PAPPA2: variants seen among roughly 807,000 people sequenced by gnomAD.
PAPPA2 encodes pappalysin 2, also known as pappalysin-2.
A neutral mutation model predicts 176.4 loss-of-function variants in PAPPA2; 86 were observed. That is an observed-to-expected ratio of 0.49 (90% CI 0.41 to 0.58). The LOEUF (loss-of-function observed/expected upper bound fraction) is 0.58. Ranked by LOEUF, PAPPA2 falls within the 20% of genes least tolerant of loss-of-function variation. The pLI is 0.00. For missense variants in PAPPA2, 2,073 were observed against 2,256.9 expected, an observed-to-expected ratio of 0.92 and a Z score of 1.65; for synonymous variants, 809 against 852.2, an observed-to-expected ratio of 0.95 and a Z score of 0.88.
intron 1 of PAPPA2, among the ~76,000 whole-genome samples, chr1:176,479,417 C>T (rs9425799): frequency 0.023 from 3,489 of 152,176 alleles, 141 homozygotes; most frequent in African/African-American, 0.08. Flanking sequence ...CACAGCATCA[C>T]AGCAGTGAAG....
chr1:176,518,972 A>G (rs1014383442), intron 1 of PAPPA2, among the ~76,000 whole-genome samples: 2 of 152,256 alleles, frequency 1.3e-5, no homozygotes, highest in Non-Finnish European at 2.9e-5. Context: ...AGTGGAGACC[A>G]GGCAGACTTA....
chr1:176,647,625 T>G (rs555894866), intron 3 of PAPPA2, among the ~76,000 whole-genome samples: 165 of 151,892 alleles, frequency 1.1e-3, no homozygotes, highest in African/African-American at 3.9e-3. Context: ...TCTATTCTTC[T>G]GCATATGGTT....
At chr1:176,786,579 A>G (rs1370625885) in intron 17 of PAPPA2, among the ~76,000 whole-genome samples, 1 of 152,194 alleles carries the variant, frequency 6.6e-6, no homozygotes, top group Admixed American at 6.5e-5. Flanking sequence ...CCACTTATGG[A>G]TGTGGCATTG....
intron 9 of PAPPA2, 67 bp downstream of exon 9, chr1:176,702,802 A>AAT: frequency 6.8e-7 from 1 of 1,470,242 alleles, no homozygotes; most frequent in Non-Finnish European, 9.3e-7. Flanking sequence ...AGAGAGAGAG[A>AAT]GGGAGGGAGA....
chr1:176,614,767 C>CCA (rs1436843496), intron 3 of PAPPA2, among the ~76,000 whole-genome samples: 1 of 152,098 alleles, frequency 6.6e-6, no homozygotes, highest in East Asian at 1.9e-4. Flanking sequence ...AGTACTATAA[C>CCA]CACACATCCC....
chr1:176,760,907 T>C (rs559328189), intron 14 of PAPPA2, among the ~76,000 whole-genome samples: 1 of 152,252 alleles, frequency 6.6e-6, no homozygotes, highest in South Asian at 2.1e-4. Flanking sequence ...CTGCAAGCTC[T>C]ACCTCCTGGG....
chr1:176,822,937 T>G (rs768036988), intron 21 of PAPPA2, among the ~76,000 whole-genome samples: 5 of 152,226 alleles, frequency 3.3e-5, no homozygotes, highest in Non-Finnish European at 1.5e-5. Flanking sequence ...CAAATTAAGG[T>G]AATAACCACC....
rs1038284552 is a variant in PAPPA2 at position 176,704,398 on chromosome 1, T to G, written c.3365+1663T>G. Reference sequence around the variant, plus strand: ...AGAAGAATCCATACCAATCATTTGATCACTTGGATAACACTTGTCAATAGG... The same window carrying G: ...AGAAGAATCCATACCAATCATTTGAGCACTTGGATAACACTTGTCAATAGG... On this transcript the variant is annotated intron_variant, in intron 9 of 22. Coordinates refer to ENST00000367662, the MANE Select transcript of PAPPA2 (RefSeq NM_020318.3). Among the ~76,000 whole-genome samples, 4 of 152,286 alleles carry G rather than the reference T, an allele frequency of 2.6e-5. No homozygotes were observed. The South Asian group carries it at 8.3e-4, about 32-fold the overall frequency.
intron 1 of PAPPA2, among the ~76,000 whole-genome samples, chr1:176,532,557 C>A (rs930032386): frequency 6.6e-6 from 1 of 152,228 alleles, no homozygotes; most frequent in Non-Finnish European, 1.5e-5. Context: ...CCGTGGGTAA[C>A]AAATGTGTGC....
In PAPPA2 at chr1:176,594,576, G is replaced by A. The variant is rs1436668161; in HGVS notation, c.972G>A (p.Gly324=). 14 of 1,614,084 alleles carry A rather than the reference G, an allele frequency of 8.7e-6. No homozygotes were observed. Among genetic ancestry groups the A allele is most frequent in the Non-Finnish European group, 1.2e-5 (14 of 1,180,042 alleles). The change falls in exon 3 of 23, where the codon GGG becomes GGA. Residue 324 remains glycine (G), a synonymous_variant. Transcript: ENST00000367662. ...HTVSDKGWAL[G]IRSGKDKGKR... is the part of the protein sequence containing the mutation. ...TCAGTGACAAAGGCTGGGCCCTGGG[G>A]ATCCGCTCAGGGAAGGACAAGGGAA... is the stretch of plus-strand genomic sequence containing the variant.
intron 1 of PAPPA2, among the ~76,000 whole-genome samples, chr1:176,471,370 G>C (rs539317837): frequency 6.6e-6 from 1 of 152,252 alleles, no homozygotes; most frequent in Admixed American, 6.5e-5. Context: ...AGCTTATCCA[G>C]AAACCCCAAC....
chr1:176,513,014 T>C (rs1241029156), intron 1 of PAPPA2, among the ~76,000 whole-genome samples: 1 of 152,168 alleles, frequency 6.6e-6, no homozygotes, highest in Admixed American at 6.6e-5. Context: ...AAGGATTACA[T>C]GAAGGACCAG....
chr1:176,670,028 C>T (rs1658894579), intron 3 of PAPPA2, among the ~76,000 whole-genome samples: 1 of 152,080 alleles, frequency 6.6e-6, no homozygotes, highest in African/African-American at 2.4e-5. Context: ...TGGCAGACCA[C>T]GGCCACTGTG....
At chr1:176,486,088 A>C (rs1652632795) in intron 1 of PAPPA2, among the ~76,000 whole-genome samples, 1 of 152,268 alleles carries the variant, frequency 6.6e-6, no homozygotes, top group African/African-American at 2.4e-5. Flanking sequence ...CCCTGTCTCC[A>C]GTGATGAATC....
chr1:176,569,877 C>G (rs1652215636), intron 2 of PAPPA2, among the ~76,000 whole-genome samples: 1 of 152,176 alleles, frequency 6.6e-6, no homozygotes, highest in Non-Finnish European at 1.5e-5. Flanking sequence ...TTAAATTCCC[C>G]TCAGTAGTAT....
At chr1:176,558,960 A>T (rs936355885) in intron 2 of PAPPA2, among the ~76,000 whole-genome samples, 4 of 152,152 alleles carry the variant, frequency 2.6e-5, no homozygotes, top group Non-Finnish European at 4.4e-5. Context: ...AAACCTGGGG[A>T]AACTTGACCC....
chr1:176,698,749 G>C (rs928750720), intron 7 of PAPPA2, among the ~76,000 whole-genome samples: 1 of 152,152 alleles, frequency 6.6e-6, no homozygotes, highest in African/African-American at 2.4e-5. Context: ...CATAAGTTAT[G>C]AATGGACTAA....
chr1:176,509,949 G>A (rs886284141), intron 1 of PAPPA2, among the ~76,000 whole-genome samples: 6 of 152,072 alleles, frequency 3.9e-5, no homozygotes, highest in African/African-American at 1.2e-4. Flanking sequence ...CAGGAAGATC[G>A]CCTGAGCCAG....
At chr1:176,523,417 T>A (rs537254970) in intron 1 of PAPPA2, among the ~76,000 whole-genome samples, 2 of 152,224 alleles carry the variant, frequency 1.3e-5, no homozygotes, top group Admixed American at 6.5e-5. Context: ...TTTCTGAAAG[T>A]AAGACTGTGT....
Sources: allele counts gnomAD v4.1 joint callset (sites outside exome capture counted in the v4.1 genomes callset), GRCh38; gene constraint gnomAD v4.1.1; transcripts MANE v1.5; gene names NCBI Gene and HGNC (gene_info 2026-07-23, HGNC 2026-07-21).